The following PIP4K2A variants were observed in gnomAD, a reference collection of about 807,000 sequenced individuals.
PIP4K2A encodes the protein phosphatidylinositol 5-phosphate 4-kinase type-2 alpha.
A neutral mutation model predicts 42.9 loss-of-function variants in PIP4K2A; 14 were observed. That is an observed-to-expected ratio of 0.33 (90% CI 0.22 to 0.51). PIP4K2A has a LOEUF of 0.51. Among genes scored for constraint, PIP4K2A ranks in the 20% least tolerant of loss-of-function variants. The pLI, the probability that PIP4K2A is intolerant of heterozygous loss-of-function variation, is 0.97. For missense variants in PIP4K2A, 434 were observed against 519.8 expected (o/e 0.83, Z 1.61); for synonymous variants, 192 against 192.2 (o/e 1.00, Z 0.01).
chr10:22,571,217 G>A (rs955515936), intron 5 of PIP4K2A, among the ~76,000 whole-genome samples: 1 of 152,158 alleles, frequency 6.6e-6, no homozygotes, highest in African/African-American at 2.4e-5. Context: ...GACAGTCTAT[G>A]TTTATTTAGA....
At position 22,691,007 on chromosome 10, in the gene PIP4K2A, C is replaced by T. The variant is rs1351129637; in HGVS notation, c.144+23176G>A. 2.6e-5 allele frequency among the ~76,000 whole-genome samples: 4 copies of T among 152,228 alleles called. No homozygotes were observed. In the South Asian group the frequency reaches 8.3e-4, roughly 32 times the overall value. Reference sequence around the variant, plus strand: ...AGGGTAGAAAAAAGGATTTGGTCCCCCACGTAACCCCCTAAGGGAGACAGA... The same window carrying T: ...AGGGTAGAAAAAAGGATTTGGTCCCTCACGTAACCCCCTAAGGGAGACAGA... On this transcript the variant is annotated intron_variant, in intron 1 of 9. Coordinates refer to ENST00000376573, the MANE Select transcript of PIP4K2A (RefSeq NM_005028.5).
intron 5 of PIP4K2A, among the ~76,000 whole-genome samples, chr10:22,570,815 T>C (rs1836966308): frequency 6.6e-6 from 1 of 151,462 alleles, no homozygotes; most frequent in Admixed American, 6.6e-5. Context: ...GTGGCAACAG[T>C]GGGTATTAGT....
intron 1 of PIP4K2A, among the ~76,000 whole-genome samples, chr10:22,667,933 G>GGAGACAGA (rs71395813): frequency 1.4e-5 from 2 of 142,272 alleles, no homozygotes; most frequent in African/African-American, 5.2e-5. Context: ...GGGGAGGGAG[G>GGAGACAGA]GAGACAGAGA....
intron 1 of PIP4K2A, among the ~76,000 whole-genome samples, chr10:22,631,048 G>A (rs1838536424): frequency 2.0e-5 from 3 of 152,184 alleles, no homozygotes; most frequent in African/African-American, 7.2e-5. Context: ...TGCCCAGAAA[G>A]CAGCACAACA....
At chr10:22,599,600 G>C (rs983843904) in intron 3 of PIP4K2A, among the ~76,000 whole-genome samples, 1 of 152,206 alleles carries the variant, frequency 6.6e-6, no homozygotes, top group African/African-American at 2.4e-5. Flanking sequence ...TTTGCTCCTA[G>C]CATAGGGAGC....
intron 3 of PIP4K2A, among the ~76,000 whole-genome samples, chr10:22,600,704 C>T (rs1197595684): frequency 1.3e-5 from 2 of 152,128 alleles, no homozygotes; most frequent in African/African-American, 4.8e-5. Flanking sequence ...CTGGAGAAGG[C>T]TGCTTTCTGG....
At chr10:22,621,338 C>T in intron 1 of PIP4K2A, among the ~76,000 whole-genome samples, 1 of 152,202 alleles carries the variant, frequency 6.6e-6, no homozygotes, top group East Asian at 1.9e-4. Flanking sequence ...ATGGCATGAC[C>T]ACTAGCAATC....
At chr10:22,692,413 A>G (rs74121889) in intron 1 of PIP4K2A, among the ~76,000 whole-genome samples, 13,136 of 152,030 alleles carry the variant, frequency 0.086, 1,612 homozygotes, top group African/African-American at 0.28. Context: ...CAGGCCATGG[A>G]CCACTACTGG....
At chr10:22,576,790 G>A (rs1476385856) in intron 4 of PIP4K2A, among the ~76,000 whole-genome samples, 2 of 152,002 alleles carry the variant, frequency 1.3e-5, no homozygotes, top group Non-Finnish European at 2.9e-5. Context: ...TTCATTCATA[G>A]AGGCTGAGAA....
chr10:22,596,882 T>G (rs1343241746), intron 3 of PIP4K2A, among the ~76,000 whole-genome samples: 4 of 152,240 alleles, frequency 2.6e-5, no homozygotes, highest in Non-Finnish European at 4.4e-5. Context: ...CATCTCCCCC[T>G]GCCGTGCTGC....
Position 22,641,145 on chromosome 10 carries a change from G to A in PIP4K2A, c.145-31428C>T, listed in dbSNP as rs187025091. 6.6e-5 allele frequency among the ~76,000 whole-genome samples: 10 copies of A among 152,264 alleles called. No homozygotes were observed. The East Asian group carries it at 1.9e-3, about 29-fold the overall frequency. On this transcript the variant is annotated intron_variant, in intron 1 of 9. Coordinates refer to ENST00000376573, the MANE Select transcript of PIP4K2A (RefSeq NM_005028.5). ...TATGACATATGATGCTGCAGACAGAGCAGTTTTAGACTCGGAGGGTACTCT... is the reference window on the plus strand; with the variant it reads ...TATGACATATGATGCTGCAGACAGAACAGTTTTAGACTCGGAGGGTACTCT...
intron 3 of PIP4K2A, among the ~76,000 whole-genome samples, chr10:22,597,192 C>G (rs1342399980): frequency 6.6e-6 from 1 of 152,190 alleles, no homozygotes; most frequent in African/African-American, 2.4e-5. Context: ...TAGGAGCTGT[C>G]TTCTCTCCAC....
chr10:22,566,460 C>T (rs1178601146), intron 6 of PIP4K2A, among the ~76,000 whole-genome samples: 1 of 151,988 alleles, frequency 6.6e-6, no homozygotes, highest in African/African-American at 2.4e-5. Flanking sequence ...TCATCCTTAA[C>T]CCCCTTCCCT....
At chr10:22,539,886 GGAGAGA>G (rs982297619) in intron 9 of PIP4K2A, 79 bp downstream of exon 9, 4 of 699,518 alleles carry the variant, frequency 5.7e-6, no homozygotes, top group South Asian at 3.1e-5. Context: ...AGAGGAGCCA[GGAGAGA>G]GAGAGAGAGA....
At chr10:22,651,020 A>G (rs1838984007) in intron 1 of PIP4K2A, among the ~76,000 whole-genome samples, 1 of 151,696 alleles carries the variant, frequency 6.6e-6, no homozygotes, top group African/African-American at 2.4e-5. Flanking sequence ...GCTCCTACCC[A>G]CTCTCTGAGC....
At chr10:22,619,719 G>A (rs1838276482) in intron 1 of PIP4K2A, among the ~76,000 whole-genome samples, 1 of 152,154 alleles carries the variant, frequency 6.6e-6, no homozygotes, top group Admixed American at 6.5e-5. Flanking sequence ...TTACAGGCAT[G>A]AGCCAACACG....
At position 22,580,702 on chromosome 10, in the gene PIP4K2A, G is replaced by T. The variant is rs985317567; in HGVS notation, c.493-7245C>A. Among the ~76,000 whole-genome samples, 5 of 152,274 alleles carry T rather than the reference G, an allele frequency of 3.3e-5. No homozygotes were observed. The East Asian group carries it at 9.6e-4, about 29-fold the overall frequency. ...CTCTCTTCCACATGTTTAACTTCCA[G>T]ATTACAAGAATGCCAAAGTTACAAT... On this transcript the variant is annotated intron_variant, in intron 4 of 9. Transcript: ENST00000376573.
At chr10:22,625,816 A>G (rs1274768538) in intron 1 of PIP4K2A, among the ~76,000 whole-genome samples, 1 of 152,232 alleles carries the variant, frequency 6.6e-6, no homozygotes, top group African/African-American at 2.4e-5. Context: ...AACCTTTCAC[A>G]TAGACGTGGT....
At chr10:22,564,494 C>T (rs1383046809) in intron 6 of PIP4K2A, among the ~76,000 whole-genome samples, 1 of 152,234 alleles carries the variant, frequency 6.6e-6, no homozygotes, top group Non-Finnish European at 1.5e-5. Context: ...TGCTGAAGAG[C>T]ATGTGTGACT....
Sources: gnomAD v4.1 joint callset for allele counts (sites outside exome capture counted in the v4.1 genomes callset) on GRCh38, gnomAD v4.1.1 for gene constraint, MANE v1.5 for transcripts, NCBI Gene and HGNC (gene_info 2026-07-23, HGNC 2026-07-21) for gene names.